Variants in SLC17A4 observed in about 807,000 individuals in gnomAD.
SLC17A4 encodes the protein solute carrier family 17 member 4.
SLC17A4 carries 33 observed loss-of-function variants against 52.5 expected under a neutral mutation model. The observed-to-expected ratio is 0.63, with a 90% CI of 0.48 to 0.84. SLC17A4 has a LOEUF of 0.84. Among genes scored for constraint, SLC17A4 ranks in the 40% least tolerant of loss-of-function variants. The probability of loss-of-function intolerance (pLI) is 0.00; values close to 1 mark genes in which losing one functional copy is unlikely to be tolerated. For missense variants in SLC17A4, 585 were observed against 597.1 expected (o/e 0.98, Z 0.21); for synonymous variants, 225 against 216.2 (o/e 1.04, Z -0.36).
At chr6:25,756,939 A>T (rs1761072662) in intron 1 of SLC17A4, among the ~76,000 whole-genome samples, 1 of 152,214 alleles carries the variant, frequency 6.6e-6, no homozygotes, top group Non-Finnish European at 1.5e-5. Context: ...TTTCAATTCA[A>T]CTAATTGCCC....
intron 2 of SLC17A4, among the ~76,000 whole-genome samples, chr6:25,763,743 G>A (rs1761754575): frequency 6.6e-6 from 1 of 152,172 alleles, no homozygotes; most frequent in Non-Finnish European, 1.5e-5. Context: ...TGGGCCTTCA[G>A]GTTCTGCCTG....
intron 2 of SLC17A4, among the ~76,000 whole-genome samples, chr6:25,763,619 G>A (rs1761744502): frequency 1.3e-5 from 2 of 152,120 alleles, no homozygotes; most frequent in African/African-American, 4.8e-5. Context: ...CACTCAGTGA[G>A]CTGAATCCAG....
In SLC17A4 at chr6:25,780,994, T is replaced by C. The variant is rs990566939; in HGVS notation, c.*1806T>C. 2.0e-5 allele frequency: 3 copies of C among 152,142 alleles called. No individual in the cohort carries two copies. The East Asian group carries it at 5.8e-4, about 29-fold the overall frequency. 9.4% of individuals were successfully genotyped at this position (152,142 alleles called of 1,614,324 possible). A position where few individuals can be genotyped will look rare whatever the true frequency, so the allele number is the denominator to read the frequency against. On this transcript the variant is annotated 3_prime_UTR_variant, in exon 12 of 12. Coordinates refer to ENST00000377905, the MANE Select transcript of SLC17A4 (RefSeq NM_005495.3). ...AAGAAGGAAAATGGACACATGACTC[T>C]GGATTTCTCTTGTGAGACCTGGGCT...
intron 6 of SLC17A4, among the ~76,000 whole-genome samples, chr6:25,771,595 T>C (rs1025397514): frequency 6.6e-6 from 1 of 151,436 alleles, no homozygotes; most frequent in African/African-American, 2.4e-5. Context: ...AAAAAGAAAA[T>C]GTTATTTTAG....
intron 6 of SLC17A4, among the ~76,000 whole-genome samples, chr6:25,772,720 G>T (rs936694627): frequency 1.1e-4 from 16 of 152,194 alleles, no homozygotes; most frequent in Admixed American, 9.2e-4. Context: ...AAGGTTTAAT[G>T]ATGAAAGGAA....
At chr6:25,769,498 C>T (rs1762295018) in intron 3 of SLC17A4, among the ~76,000 whole-genome samples, 1 of 150,930 alleles carries the variant, frequency 6.6e-6, no homozygotes, top group South Asian at 2.1e-4. Flanking sequence ...GCAGAAGTTG[C>T]AGTGAGCGGA....
chr6:25,770,339 TC>T, intron 4 of SLC17A4, 39 bp downstream of exon 4: 1 of 1,613,820 alleles, frequency 6.2e-7, no homozygotes, highest in Non-Finnish European at 8.5e-7. Context: ...GAATATAGGT[TC>T]CAGAATGACC....
intron 3 of SLC17A4, 31 bp downstream of exon 3, chr6:25,769,221 T>A: frequency 1.3e-6 from 2 of 1,566,612 alleles, no homozygotes; most frequent in Non-Finnish European, 8.8e-7. Flanking sequence ...GACTCTTTCT[T>A]TGACTCAAAT....
In SLC17A4 at chr6:25,773,649, C is replaced by T. The variant is rs145440760; in HGVS notation, c.962C>T (p.Ser321Leu). The change falls in exon 8 of 12, where the codon TCG (serine) becomes TTG (leucine). Residue 321 changes from serine to leucine, a missense_variant. Coordinates refer to ENST00000377905, the MANE Select transcript of SLC17A4 (RefSeq NM_005495.3). The stretch of plus-strand genomic sequence containing the variant: ...GCGTACACACCAACGTACATCAGCT[C>T]GGTACTTCAAGCCAACCTCAGAGAT... ...IMAYTPTYISSVLQANLRDSG... is the reference protein window; with the variant it reads ...IMAYTPTYISLVLQANLRDSG... The T allele has an allele frequency of 2.8e-4, 452 of 1,613,578 alleles. 1 individual carries two copies. Among genetic ancestry groups the T allele is most frequent in the Non-Finnish European group, 3.5e-4 (409 of 1,179,724 alleles).
chr6:25,779,098 T>C lies in SLC17A4; in HGVS notation c.1404T>C (p.Ala468=). 4 of 1,613,942 alleles carry C rather than the reference T, an allele frequency of 2.5e-6. No individual in the cohort carries two copies. Among genetic ancestry groups the C allele is most frequent in the Non-Finnish European group, 3.4e-6 (4 of 1,179,826 alleles). ...GWRNVFLLSA[A]VNISGLVFYL... ...GAAATGTCTTCTTGCTTTCAGCTGC[T>C]GTTAACATATCGGGCCTGGTTTTCT... Residue 468 remains alanine (A), a synonymous_variant, in exon 12 of 12, where the codon GCT becomes GCC. Transcript: ENST00000377905.
chr6:25,777,915 C>T lies in SLC17A4; in HGVS notation c.1269-11C>T. On this transcript the variant is annotated splice_polypyrimidine_tract_variant and intron_variant, in intron 10 of 11. Coordinates refer to ENST00000377905, the MANE Select transcript of SLC17A4 (RefSeq NM_005495.3). ...ACTTGGTTATAATAGAGTACCATCT[C>T]TCTCTCTCAGGTACACTGGCTTTCT... The T allele has an allele frequency of 6.2e-7, 1 of 1,602,294 alleles. No homozygotes were observed. Among genetic ancestry groups the T allele is most frequent in the Non-Finnish European group, 8.5e-7 (1 of 1,169,822 alleles).
At chr6:25,761,721 T>C (rs573589164) in intron 1 of SLC17A4, among the ~76,000 whole-genome samples, 1 of 152,276 alleles carries the variant, frequency 6.6e-6, no homozygotes, top group African/African-American at 2.4e-5. Context: ...TTGCGAGATA[T>C]AAATACTAAG....
chr6:25,770,362 A>C, intron 4 of SLC17A4, 22 bp from the exon 5 acceptor site: 1 of 1,614,064 alleles, frequency 6.2e-7, no homozygotes, highest in Non-Finnish European at 8.5e-7. Context: ...CAGATCTCCA[A>C]GAATGGAATT....
intron 3 of SLC17A4, 122 bp downstream of exon 3, chr6:25,769,312 T>A (rs537628043): frequency 1.1e-6 from 1 of 943,554 alleles, no homozygotes; most frequent in African/African-American, 1.6e-5. Flanking sequence ...GTGCCAGGAA[T>A]GGCACAAGTA....
At chr6:25,769,395 TAA>T (rs796526320) in intron 3 of SLC17A4, among the ~76,000 whole-genome samples, 101 of 151,934 alleles carry the variant, frequency 6.6e-4, no homozygotes, top group African/African-American at 1.7e-3. Flanking sequence ...GCATCTTTAC[TAA>T]AAATATGAAA....
Position 25,765,100 on chromosome 6 carries a change from A to C in SLC17A4, c.91+3047A>C, listed in dbSNP as rs565949510. Among the ~76,000 whole-genome samples the C allele has an allele frequency of 3.3e-5, 5 of 152,348 alleles. No homozygotes were observed. The South Asian group carries it at 1.0e-3, about 32-fold the overall frequency. On this transcript the variant is annotated intron_variant, in intron 2 of 11. Transcript: ENST00000377905. ...AAATGTGAGAACAAAGTCACACACA[A>C]CTGGCTTTTATGGTCCAAGGCTGTA...
chr6:25,756,643 T>C (rs1761042640), intron 1 of SLC17A4, among the ~76,000 whole-genome samples: 1 of 152,150 alleles, frequency 6.6e-6, no homozygotes, highest in South Asian at 2.1e-4. Context: ...AGCAAAACCA[T>C]TATCGCCTGT....
intron 2 of SLC17A4, among the ~76,000 whole-genome samples, chr6:25,762,293 T>G (rs901151722): frequency 6.6e-6 from 1 of 152,012 alleles, no homozygotes; most frequent in Non-Finnish European, 1.5e-5. Flanking sequence ...TATTTAGAGA[T>G]GAAGGAAAAA....
chr6:25,779,018 G>A, intron 11 of SLC17A4, 36 bp from the exon 12 acceptor site: 1 of 1,610,684 alleles, frequency 6.2e-7, no homozygotes, highest in Non-Finnish European at 8.5e-7. Flanking sequence ...ACAGGAATTG[G>A]GTGACCGTTA....
Sources: gnomAD v4.1 joint callset for allele counts (sites outside exome capture counted in the v4.1 genomes callset) on GRCh38, gnomAD v4.1.1 for gene constraint, MANE v1.5 for transcripts, NCBI Gene and HGNC (gene_info 2026-07-23, HGNC 2026-07-21) for gene names.